Variants in SPATA31G1 observed in about 807,000 individuals in gnomAD.
SPATA31G1 encodes SPATA31 subfamily G member 1, also known as spermatogenesis-associated protein 31G1.
the SPATA31G1 span, chr9:35,045,011 G>A: frequency 7.4e-6 from 12 of 1,614,110 alleles, no homozygotes; most frequent in African/African-American, 1.2e-4. Context: ...TGAAGAAACT[G>A]CGGCAGAGCC....
At chr9:35,043,289 G>C in the SPATA31G1 span, 11 of 1,614,094 alleles carry the variant, frequency 6.8e-6, no homozygotes, top group Non-Finnish European at 8.5e-6. Context: ...CCTCTCCTCT[G>C]AAGTGGTCTG....
At chr9:35,044,924 G>C in the SPATA31G1 span, 8 of 1,614,064 alleles carry the variant, frequency 5.0e-6, no homozygotes, top group Admixed American at 1.7e-5. Context: ...CACTCTCCCA[G>C]AGATGGACTG....
chr9:35,043,867 A>G, the SPATA31G1 span: 17 of 1,614,190 alleles, frequency 1.1e-5, no homozygotes, highest in East Asian at 3.8e-4. Context: ...TATAAGCCCC[A>G]GTGGGAATGC....
chr9:35,042,756 T>C, the SPATA31G1 span: 1 of 1,446,434 alleles, frequency 6.9e-7, no homozygotes, highest in South Asian at 1.3e-5. Context: ...TGGGATTAGG[T>C]GAGTAACTGT....
the SPATA31G1 span, chr9:35,043,256 C>A: frequency 6.2e-7 from 1 of 1,614,204 alleles, no homozygotes; most frequent in East Asian, 2.2e-5. Context: ...CCTTGGAGGC[C>A]ATCTTCCTGA....
chr9:35,045,874 A>C, the SPATA31G1 span: 9 of 1,588,386 alleles, frequency 5.7e-6, no homozygotes, highest in Non-Finnish European at 7.7e-6. Flanking sequence ...CAGTAGAGAA[A>C]AGGCTGGTAA....
chr9:35,042,616 C>T, the SPATA31G1 span: 1 of 1,423,982 alleles, frequency 7.0e-7, no homozygotes, highest in Non-Finnish European at 9.6e-7. Context: ...ACCACTGACA[C>T]TAGATTTGAA....
chr9:35,042,387 C>T, the SPATA31G1 span: 4 of 1,614,224 alleles, frequency 2.5e-6, no homozygotes, highest in South Asian at 4.4e-5. Context: ...TCTGGTGACA[C>T]TATTCTTATT....
chr9:35,044,262 G>C, the SPATA31G1 span: 8 of 1,614,154 alleles, frequency 5.0e-6, no homozygotes, highest in Non-Finnish European at 6.8e-6. Flanking sequence ...TACATGGAAG[G>C]ATACTGAGCA....
At chr9:35,043,409 G>T in the SPATA31G1 span, 1 of 1,614,128 alleles carries the variant, frequency 6.2e-7, no homozygotes, top group East Asian at 2.2e-5. Context: ...CCCATACTAT[G>T]GAAGATCTAG....
the SPATA31G1 span, chr9:35,044,911 C>T: frequency 6.3e-5 from 102 of 1,614,122 alleles, no homozygotes; most frequent in African/African-American, 1.3e-3. Context: ...AAGGCAGAGG[C>T]CCCACTCTCC....
At chr9:35,042,887 C>T in the SPATA31G1 span, 2 of 1,614,084 alleles carry the variant, frequency 1.2e-6, no homozygotes, top group Non-Finnish European at 1.7e-6. Context: ...ACCGTGTGGC[C>T]TTCCTTGATC....
the SPATA31G1 span, chr9:35,044,307 C>T: frequency 6.2e-7 from 1 of 1,614,168 alleles, no homozygotes. Flanking sequence ...GTCTCCATCT[C>T]TGGCCCTCAG....
the SPATA31G1 span, chr9:35,043,517 G>C: frequency 6.2e-7 from 1 of 1,614,150 alleles, no homozygotes. Context: ...TGGACCACAA[G>C]GGAGTTTTAT....
At chr9:35,043,075 C>A in the SPATA31G1 span, 1 of 1,614,156 alleles carries the variant, frequency 6.2e-7, no homozygotes. Context: ...CTCCTCAAGG[C>A]TATAGGGATA....
At chr9:35,044,764 G>C in the SPATA31G1 span, 1 of 1,614,036 alleles carries the variant, frequency 6.2e-7, no homozygotes, top group South Asian at 1.1e-5. Flanking sequence ...GTGCAACAAA[G>C]AGAAGTTCCC....
chr9:35,041,159 A>G, the SPATA31G1 span: 1 of 452,934 alleles, frequency 2.2e-6, no homozygotes, highest in Non-Finnish European at 4.4e-6. Context: ...TGAGAAAGGT[A>G]AAAACACCTT....
the SPATA31G1 span, chr9:35,042,220 T>A: frequency 1.9e-6 from 3 of 1,603,548 alleles, no homozygotes; most frequent in Non-Finnish European, 8.5e-7. Context: ...GATGCAATGA[T>A]GACCTCAGGG....
chr9:35,043,673 TTC>T, the SPATA31G1 span: 1 of 1,614,194 alleles, frequency 6.2e-7, no homozygotes, highest in South Asian at 1.1e-5. Context: ...AATCCCCAGC[TTC>T]TCTGTCAGAA....
Sources: allele counts gnomAD v4.1 joint callset, GRCh38; gene constraint gnomAD v4.1.1; transcripts MANE v1.5; gene names NCBI Gene and HGNC (gene_info 2026-07-23, HGNC 2026-07-21).